PPARGC1A: variants seen among roughly 807,000 people sequenced by gnomAD.
The protein encoded by PPARGC1A is peroxisome proliferator-activated receptor gamma coactivator 1-alpha.
PPARGC1A carries 25 observed loss-of-function variants against 88.7 expected under a neutral mutation model. The observed-to-expected ratio is 0.28, with a 90% CI of 0.21 to 0.39. The LOEUF (loss-of-function observed/expected upper bound fraction) is 0.39. PPARGC1A is among the 10% of genes least tolerant of loss of function. PPARGC1A has a pLI of 1.00. For synonymous variants in PPARGC1A, 363 were observed against 355.6 expected, an observed-to-expected ratio of 1.02 and a Z score of -0.24; for missense variants, 880 against 968.7, an observed-to-expected ratio of 0.91 and a Z score of 1.22.
the PPARGC1A span, among the ~76,000 whole-genome samples, chr4:23,929,000 C>T: frequency 6.6e-6 from 1 of 151,924 alleles, no homozygotes; most frequent in African/African-American, 2.4e-5. Context: ...GGAGGGAGAG[C>T]ATTAGGAAAA....
the PPARGC1A span, among the ~76,000 whole-genome samples, chr4:24,466,616 G>C: frequency 6.6e-6 from 1 of 152,194 alleles, no homozygotes; most frequent in Non-Finnish European, 1.5e-5. Flanking sequence ...ATAAATGTTA[G>C]TCATTGTCAC....
intron 2 of PPARGC1A, 95 bp from the exon 3 acceptor site, chr4:23,831,846 G>A (rs569879273): frequency 1.0e-5 from 10 of 968,522 alleles, no homozygotes; most frequent in South Asian, 3.0e-5. Flanking sequence ...TGAACCATAC[G>A]TGAAATCTAG....
At chr4:23,826,271 A>T (rs1481842133) in intron 5 of PPARGC1A, among the ~76,000 whole-genome samples, 1 of 152,142 alleles carries the variant, frequency 6.6e-6, no homozygotes, top group African/African-American at 2.4e-5. Flanking sequence ...CTCTAATTCC[A>T]CCATTAGAGG....
At chr4:24,171,595 A>T in the PPARGC1A span, among the ~76,000 whole-genome samples, 9 of 152,138 alleles carry the variant, frequency 5.9e-5, no homozygotes, top group African/African-American at 7.2e-5. Context: ...GCTGTTCCCC[A>T]TCACTCAGAA....
chr4:23,896,371 T>C (rs1718605882), intron 1 of PPARGC1A, among the ~76,000 whole-genome samples: 1 of 152,192 alleles, frequency 6.6e-6, no homozygotes, highest in Non-Finnish European at 1.5e-5. Flanking sequence ...ATACTGGGAA[T>C]GTAGCAGATA....
chr4:23,863,939 G>A (rs1421948255), intron 2 of PPARGC1A, among the ~76,000 whole-genome samples: 1 of 152,132 alleles, frequency 6.6e-6, no homozygotes, highest in African/African-American at 2.4e-5. Flanking sequence ...TGCAGACAGG[G>A]TTTCTCTAGG....
chr4:24,066,392 G>C, the PPARGC1A span, among the ~76,000 whole-genome samples: 4 of 152,162 alleles, frequency 2.6e-5, no homozygotes, highest in African/African-American at 9.7e-5. Flanking sequence ...ACCTGAAAGA[G>C]AGTTTTAAAG....
chr4:24,316,537 A>T, the PPARGC1A span, among the ~76,000 whole-genome samples: 1 of 152,236 alleles, frequency 6.6e-6, no homozygotes, highest in South Asian at 2.1e-4. Flanking sequence ...TAAGGTTTTT[A>T]AAACCCTCCA....
chr4:24,331,446 G>T, the PPARGC1A span, among the ~76,000 whole-genome samples: 1 of 152,054 alleles, frequency 6.6e-6, no homozygotes, highest in Non-Finnish European at 1.5e-5. Flanking sequence ...GTATTAATTA[G>T]TTGTCAGTTT....
At chr4:24,170,737 G>A in the PPARGC1A span, among the ~76,000 whole-genome samples, 2 of 152,092 alleles carry the variant, frequency 1.3e-5, no homozygotes, top group African/African-American at 4.8e-5. Flanking sequence ...GTTTTGCAAG[G>A]GACCTGAAAA....
At chr4:23,816,547 A>G (rs887659558) in intron 7 of PPARGC1A, among the ~76,000 whole-genome samples, 2 of 152,170 alleles carry the variant, frequency 1.3e-5, no homozygotes, top group Middle Eastern at 3.2e-3. Context: ...CGAGATAAAA[A>G]AAAAAGCACA....
chr4:24,155,826 A>G, the PPARGC1A span, among the ~76,000 whole-genome samples: 2 of 152,182 alleles, frequency 1.3e-5, no homozygotes, highest in African/African-American at 4.8e-5. Context: ...TGAGCGAACC[A>G]TAATGAGTTG....
chr4:24,381,213 C>T, the PPARGC1A span, among the ~76,000 whole-genome samples: 1 of 152,112 alleles, frequency 6.6e-6, no homozygotes, highest in African/African-American at 2.4e-5. Flanking sequence ...AGATACGGGC[C>T]AAAATGTGTC....
the PPARGC1A span, among the ~76,000 whole-genome samples, chr4:23,955,367 C>A: frequency 3.3e-5 from 5 of 152,146 alleles, no homozygotes; most frequent in East Asian, 9.7e-4. Flanking sequence ...TAATGAATAA[C>A]AAATTCATTA....
the PPARGC1A span, among the ~76,000 whole-genome samples, chr4:24,037,665 A>G: frequency 0.22 from 33,952 of 152,168 alleles, 4,211 homozygotes; most frequent in Admixed American, 0.36. Flanking sequence ...CAATAACATA[A>G]GAGAAAAATC....
chr4:24,409,807 C>T, the PPARGC1A span, among the ~76,000 whole-genome samples: 1 of 152,146 alleles, frequency 6.6e-6, no homozygotes, highest in South Asian at 2.1e-4. Context: ...TTTTACATGA[C>T]TGCATGTGAT....
chr4:24,040,904 C>T, the PPARGC1A span, among the ~76,000 whole-genome samples: 1 of 152,128 alleles, frequency 6.6e-6, no homozygotes, highest in Non-Finnish European at 1.5e-5. Context: ...GTTCACCGGG[C>T]TCAATTAGAA....
At chr4:24,052,006 G>A in the PPARGC1A span, among the ~76,000 whole-genome samples, 7 of 150,524 alleles carry the variant, frequency 4.7e-5, no homozygotes, top group Non-Finnish European at 5.9e-5. Flanking sequence ...TCCAGGGTTG[G>A]GATAATAATG....
chr4:23,926,164 C>A, the PPARGC1A span, among the ~76,000 whole-genome samples: 1 of 152,272 alleles, frequency 6.6e-6, no homozygotes, highest in Admixed American at 6.5e-5. Flanking sequence ...ATGGCTTTAA[C>A]TGCCACCATG....
Sources: gnomAD v4.1 joint callset for allele counts (sites outside exome capture counted in the v4.1 genomes callset) on GRCh38, gnomAD v4.1.1 for gene constraint, MANE v1.5 for transcripts, NCBI Gene and HGNC (gene_info 2026-07-23, HGNC 2026-07-21) for gene names.